The following CSGALNACT1 variants were observed in gnomAD, a reference collection of about 807,000 sequenced individuals.
CSGALNACT1 encodes the protein beta4GalNAcT-1.
Under a neutral mutation model 51.0 loss-of-function variants are expected in CSGALNACT1, and 52 were observed. That is an observed-to-expected ratio of 1.02 (90% CI 0.82 to 1.29). The LOEUF (loss-of-function observed/expected upper bound fraction) is 1.29, where lower values mean the gene tolerates loss of function less well. CSGALNACT1 is among the 50% of genes most tolerant of loss of function. The pLI is 0.00. For missense variants in CSGALNACT1, 935 were observed against 679.2 expected (o/e 1.38, Z -4.19); for synonymous variants, 341 against 254.4 (o/e 1.34, Z -3.24).
chr8:19,660,363 AG>A (rs1421953208), intron 1 of CSGALNACT1, among the ~76,000 whole-genome samples: 1 of 152,162 alleles, frequency 6.6e-6, no homozygotes, highest in African/African-American at 2.4e-5. Context: ...AATCCCCCTA[AG>A]CCTTAATTTC....
At chr8:19,642,540 G>T (rs968060978) in intron 1 of CSGALNACT1, among the ~76,000 whole-genome samples, 5 of 152,130 alleles carry the variant, frequency 3.3e-5, no homozygotes, top group African/African-American at 1.2e-4. Context: ...GGAGGCCAAG[G>T]AGGGTGGATC....
intron 6 of CSGALNACT1, among the ~76,000 whole-genome samples, chr8:19,436,952 T>C (rs1030268900): frequency 5.3e-5 from 8 of 152,308 alleles, no homozygotes; most frequent in African/African-American, 1.9e-4. Flanking sequence ...AAATTTACTA[T>C]ATACCTGGCA....
intron 1 of CSGALNACT1, among the ~76,000 whole-genome samples, chr8:19,748,539 A>G (rs970375454): frequency 6.6e-6 from 1 of 152,230 alleles, no homozygotes. Flanking sequence ...CCTCTCTGCC[A>G]TAACAGTTGA....
chr8:19,670,265 T>C (rs1475566297), intron 1 of CSGALNACT1, among the ~76,000 whole-genome samples: 1 of 152,328 alleles, frequency 6.6e-6, no homozygotes, highest in Admixed American at 6.5e-5. Context: ...CAGTACCTTA[T>C]AACTAGTAGA....
chr8:19,616,962 C>A (rs541507707), intron 1 of CSGALNACT1, among the ~76,000 whole-genome samples: 32 of 152,200 alleles, frequency 2.1e-4, no homozygotes, highest in Admixed American at 6.5e-5. Flanking sequence ...GTACTGTGCA[C>A]TTTATTTCTA....
chr8:19,499,767 T>C (rs2076101129), intron 4 of CSGALNACT1, among the ~76,000 whole-genome samples: 1 of 152,174 alleles, frequency 6.6e-6, no homozygotes, highest in Admixed American at 6.5e-5. Flanking sequence ...CAGGGCCCAG[T>C]GTAAAATGAA....
chr8:19,428,323 G>C (rs888765111), intron 6 of CSGALNACT1, among the ~76,000 whole-genome samples: 8 of 152,176 alleles, frequency 5.3e-5, no homozygotes, highest in African/African-American at 1.9e-4. Flanking sequence ...TGGCTGGGGA[G>C]GCCTCACATT....
At chr8:19,437,750 C>T (rs1354853348) in intron 6 of CSGALNACT1, among the ~76,000 whole-genome samples, 2 of 152,268 alleles carry the variant, frequency 1.3e-5, no homozygotes, top group Non-Finnish European at 2.9e-5. Context: ...CCAAAGTTTA[C>T]ATAGCGTTAC....
At chr8:19,745,330 G>T (rs1277727523) in intron 1 of CSGALNACT1, among the ~76,000 whole-genome samples, 1 of 152,044 alleles carries the variant, frequency 6.6e-6, no homozygotes, top group African/African-American at 2.4e-5. Context: ...CTCTCTTTGG[G>T]TACATACAAT....
At chr8:19,563,691 T>G (rs964460822) in intron 3 of CSGALNACT1, among the ~76,000 whole-genome samples, 4 of 152,150 alleles carry the variant, frequency 2.6e-5, no homozygotes, top group Non-Finnish European at 5.9e-5. Context: ...CTAAGCAGTC[T>G]CCACCTCCAC....
chr8:19,583,169 C>A (rs973225556), intron 3 of CSGALNACT1, among the ~76,000 whole-genome samples: 1 of 151,810 alleles, frequency 6.6e-6, no homozygotes, highest in African/African-American at 2.4e-5. Context: ...TAAACCAATA[C>A]CTTTTTTTAA....
At chr8:19,436,370 G>A (rs1563381756) in intron 6 of CSGALNACT1, among the ~76,000 whole-genome samples, 1 of 152,160 alleles carries the variant, frequency 6.6e-6, no homozygotes, top group Admixed American at 6.5e-5. Context: ...AGGAGGCTCT[G>A]ATTCTGGCTC....
intron 3 of CSGALNACT1, among the ~76,000 whole-genome samples, chr8:19,507,329 C>A (rs2077520403): frequency 1.3e-5 from 2 of 151,918 alleles, no homozygotes; most frequent in Admixed American, 6.6e-5. Flanking sequence ...TCAGACGGGT[C>A]CCAGGACTTT....
At chr8:19,659,899 G>T (rs2058615432) in intron 1 of CSGALNACT1, among the ~76,000 whole-genome samples, 1 of 152,184 alleles carries the variant, frequency 6.6e-6, no homozygotes, top group African/African-American at 2.4e-5. Context: ...TGAAGAGATG[G>T]CAGCAAATCA....
chr8:19,627,542 G>C (rs1427768278), intron 1 of CSGALNACT1, among the ~76,000 whole-genome samples: 1 of 152,018 alleles, frequency 6.6e-6, no homozygotes, highest in African/African-American at 2.4e-5. Context: ...CAAGCATAAG[G>C]CCAGGCATGG....
intron 3 of CSGALNACT1, among the ~76,000 whole-genome samples, chr8:19,567,565 C>G (rs978578466): frequency 2.6e-5 from 4 of 152,184 alleles, no homozygotes; most frequent in African/African-American, 9.7e-5. Context: ...CTTTTGCGAT[C>G]TGGATTATAA....
At chr8:19,457,786 A>G (rs774793710) in intron 5 of CSGALNACT1, 1 of 1,351,538 alleles carries the variant, frequency 7.4e-7, no homozygotes, top group Non-Finnish European at 9.8e-7. Context: ...AAGGGCTTAA[A>G]GGCACACATC....
chr8:19,646,593 C>A (rs2057300558), intron 1 of CSGALNACT1, among the ~76,000 whole-genome samples: 1 of 152,060 alleles, frequency 6.6e-6, no homozygotes, highest in Non-Finnish European at 1.5e-5. Context: ...TGACAGAATA[C>A]CATAGTGGAT....
intron 4 of CSGALNACT1, among the ~76,000 whole-genome samples, chr8:19,467,380 CA>C (rs1394006022): frequency 6.6e-6 from 1 of 152,088 alleles, no homozygotes; most frequent in Non-Finnish European, 1.5e-5. Context: ...CTCGGCCCCC[CA>C]AAGTGCTGGG....
Sources: gnomAD v4.1 joint callset for allele counts (sites outside exome capture counted in the v4.1 genomes callset) on GRCh38, gnomAD v4.1.1 for gene constraint, MANE v1.5 for transcripts, NCBI Gene and HGNC (gene_info 2026-07-23, HGNC 2026-07-21) for gene names.